NELL1: variants seen among roughly 807,000 people sequenced by gnomAD.
NELL1 encodes protein kinase C-binding protein NELL1.
A neutral mutation model predicts 107.4 loss-of-function variants in NELL1; 76 were observed. The observed-to-expected ratio is 0.71, with a 90% confidence interval of 0.59 to 0.86. The LOEUF (loss-of-function observed/expected upper bound fraction) is 0.86. NELL1 is among the 40% of genes least tolerant of loss of function. The probability of loss-of-function intolerance (pLI) is 0.00; values close to 1 mark genes in which losing one functional copy is unlikely to be tolerated. For missense variants in NELL1, 1,024 were observed against 1,005.5 expected (o/e 1.02, Z -0.25); for synonymous variants, 353 against 341.2 (o/e 1.03, Z -0.38).
intron 14 of NELL1, among the ~76,000 whole-genome samples, chr11:21,330,699 G>A (rs1293755475): frequency 6.6e-6 from 1 of 151,842 alleles, no homozygotes; most frequent in Non-Finnish European, 1.5e-5. Context: ...ATGTGTCTGG[G>A]TGTATATCTG....
chr11:21,475,232 T>C (rs1457875955), intron 15 of NELL1, among the ~76,000 whole-genome samples: 2 of 152,190 alleles, frequency 1.3e-5, no homozygotes, highest in African/African-American at 2.4e-5. Context: ...TTTTTAATTA[T>C]GTGGAGGCAT....
intron 5 of NELL1, among the ~76,000 whole-genome samples, chr11:20,891,075 G>A (rs2134115523): frequency 6.6e-6 from 1 of 152,252 alleles, no homozygotes; most frequent in Non-Finnish European, 1.5e-5. Context: ...CACGAAGGTT[G>A]AAATGAAGGA....
At chr11:21,397,080 A>G (rs1280909749) in intron 15 of NELL1, among the ~76,000 whole-genome samples, 1 of 151,714 alleles carries the variant, frequency 6.6e-6, no homozygotes, top group African/African-American at 2.4e-5. Flanking sequence ...GTTTCTTCTT[A>G]ACTATGTTTG....
intron 12 of NELL1, among the ~76,000 whole-genome samples, chr11:21,026,252 G>T (rs1319159044): frequency 6.6e-6 from 1 of 152,078 alleles, no homozygotes; most frequent in South Asian, 2.1e-4. Context: ...GCCCTACCTA[G>T]TGAGCGATGC....
rs929953083 is a variant in NELL1, at chr11:20,847,823, T to C, written c.506+70T>C. On this transcript the variant is annotated intron_variant, in intron 4 of 19. Coordinates refer to ENST00000357134, the MANE Select transcript of NELL1 (RefSeq NM_006157.5). ...AAGCAATGGAAAAGGGGAAAAAATA[T>C]CAAATTCCTTCAAGACTTGCCAGGA... 6.9e-6 allele frequency: 10 copies of C among 1,454,324 alleles called. No individual in the cohort carries two copies. The Admixed American group carries it at 2.0e-4, about 29-fold the overall frequency. 90.1% of individuals were successfully genotyped at this position (1,454,324 alleles called of 1,614,324 possible). A position where few individuals can be genotyped will look rare whatever the true frequency, so the allele number is the denominator to read the frequency against.
At position 20,896,498 on chromosome 11, in the gene NELL1, G is replaced by A. The variant is rs374340164; in HGVS notation, c.603+10958G>A. On this transcript the variant is annotated intron_variant, in intron 5 of 19. Transcript: ENST00000357134. The stretch of plus-strand genomic sequence containing the variant: ...CTTCTTGGTAGATACCCAGTAGTGG[G>A]ATTGCTGGATCAAATGGTATTTCCA... 1.3e-4 allele frequency among the ~76,000 whole-genome samples: 20 copies of A among 152,234 alleles called. No individual in the cohort carries two copies. In the East Asian group the frequency reaches 2.3e-3, roughly 18 times the overall value.
chr11:21,503,562 GT>G (rs1213722585), intron 15 of NELL1, among the ~76,000 whole-genome samples: 1 of 152,084 alleles, frequency 6.6e-6, no homozygotes, highest in African/African-American at 2.4e-5. Context: ...CCTTCTTGGG[GT>G]TGCTATTAAA....
intron 15 of NELL1, among the ~76,000 whole-genome samples, chr11:21,485,299 A>C (rs906824524): frequency 3.3e-5 from 5 of 151,860 alleles, no homozygotes; most frequent in Non-Finnish European, 7.4e-5. Context: ...CTAAAGACAA[A>C]TCTCACCTCT....
intron 11 of NELL1, among the ~76,000 whole-genome samples, chr11:20,956,508 T>C (rs1256903195): frequency 6.6e-6 from 1 of 151,822 alleles, no homozygotes; most frequent in Non-Finnish European, 1.5e-5. Context: ...TAGCCGGGCA[T>C]GGTGGCGGGC....
At chr11:21,000,124 T>C (rs972899075) in intron 12 of NELL1, among the ~76,000 whole-genome samples, 1 of 152,150 alleles carries the variant, frequency 6.6e-6, no homozygotes, top group African/African-American at 2.4e-5. Context: ...GATCTGGCCT[T>C]GGAAAACTTT....
chr11:20,916,839 T>TGCTGGG (rs1850269183), intron 5 of NELL1, among the ~76,000 whole-genome samples: 1 of 151,876 alleles, frequency 6.6e-6, no homozygotes, highest in Non-Finnish European at 1.5e-5. Flanking sequence ...AGAACATGAG[T>TGCTGGG]GCTGGGTGGA....
chr11:21,295,273 T>G lies in NELL1; in HGVS notation c.1549+65819T>G, dbSNP rs562729762. ...CCAGGGCACTGGAGTATAACCATACTACTAAAGCTATCTCTCAAAATGTTG... is the reference window on the plus strand; with the variant it reads ...CCAGGGCACTGGAGTATAACCATACGACTAAAGCTATCTCTCAAAATGTTG... On this transcript the variant is annotated intron_variant, in intron 14 of 19. Transcript: ENST00000357134. 2.7e-4 allele frequency among the ~76,000 whole-genome samples: 41 copies of G among 152,114 alleles called. No individual in the cohort carries two copies. The Middle Eastern group carries it at 0.01, about 38-fold the overall frequency.
intron 12 of NELL1, among the ~76,000 whole-genome samples, chr11:21,052,854 G>C (rs899849181): frequency 6.6e-6 from 1 of 152,068 alleles, no homozygotes; most frequent in East Asian, 1.9e-4. Flanking sequence ...GTGAGTCGAG[G>C]GAGTGGGAGG....
chr11:20,897,676 A>C (rs1849776701), intron 5 of NELL1, among the ~76,000 whole-genome samples: 1 of 152,204 alleles, frequency 6.6e-6, no homozygotes, highest in Non-Finnish European at 1.5e-5. Flanking sequence ...CATCTGACAA[A>C]GGGCTAATAT....
intron 15 of NELL1, among the ~76,000 whole-genome samples, chr11:21,385,646 G>A (rs938571612): frequency 4.6e-5 from 7 of 151,838 alleles, no homozygotes; most frequent in Admixed American, 3.3e-4. Context: ...ATGTTCTTCC[G>A]GCATTGCAGC....
chr11:20,669,698 CT>C lies in NELL1; in HGVS notation c.-25del. On this transcript the variant is annotated 5_prime_UTR_variant, in exon 1 of 20. Transcript: ENST00000357134. This position sits in a 1 kb window ranked among gnomAD's most constrained non-coding sequence, Gnocchi z 4.4. ...TGCTTCCACCTAGCTTCGGTGCCCC[CT>C]GCTAGGCGGGGACCCTCGAGAGCGA... 6.2e-7 allele frequency: 1 copy of C among 1,609,024 alleles called. No homozygotes were observed. Among genetic ancestry groups the C allele is most frequent in the Non-Finnish European group, 8.5e-7 (1 of 1,175,776 alleles).
At chr11:21,567,362 G>T (rs1473839290) in intron 17 of NELL1, among the ~76,000 whole-genome samples, 2 of 151,900 alleles carry the variant, frequency 1.3e-5, no homozygotes, top group East Asian at 3.9e-4. Flanking sequence ...AAATTCCTAG[G>T]ATCAGGACAC....
intron 14 of NELL1, among the ~76,000 whole-genome samples, chr11:21,342,702 G>GGAGAGAGAGA (rs34390468): frequency 1.6e-4 from 23 of 145,110 alleles, no homozygotes; most frequent in African/African-American, 5.9e-4. Flanking sequence ...GAAGGAAGAG[G>GGAGAGAGAGA]GAGAGAGAGA....
intron 14 of NELL1, among the ~76,000 whole-genome samples, chr11:21,346,584 A>C (rs6483765): frequency 0.04 from 5,482 of 138,622 alleles, 327 homozygotes; most frequent in African/African-American, 0.13. Context: ...TATATGATAA[A>C]TATAATATAT....
Sources: allele counts gnomAD v4.1 joint callset (sites outside exome capture counted in the v4.1 genomes callset), GRCh38; gene constraint gnomAD v4.1.1; non-coding constraint Gnocchi (gnomAD v3.1); transcripts MANE v1.5; gene names NCBI Gene and HGNC (gene_info 2026-07-23, HGNC 2026-07-21).